Variants in GABRB2 observed in about 807,000 individuals in gnomAD.
The protein encoded by GABRB2 is gamma-aminobutyric acid type A receptor subunit beta2.
In GABRB2, 16 loss-of-function variants were observed where a neutral mutation model predicts 54.7. The ratio of observed to expected loss-of-function variants is 0.29; its 90% CI spans 0.20 to 0.44. GABRB2 has a LOEUF of 0.44. Among genes scored for constraint, GABRB2 ranks in the 20% least tolerant of loss-of-function variants. The pLI is 1.00. For synonymous variants in GABRB2, 244 were observed against 233.8 expected, an observed-to-expected ratio of 1.04 and a Z score of -0.40; for missense variants, 355 against 644.0, an observed-to-expected ratio of 0.55 and a Z score of 4.86.
chr5:161,371,884 G>C (rs531540838), intron 5 of GABRB2, among the ~76,000 whole-genome samples: 5 of 151,890 alleles, frequency 3.3e-5, no homozygotes, highest in African/African-American at 4.8e-5. Flanking sequence ...ACTATGCGTG[G>C]CTATTTTTAT....
At chr5:161,492,944 T>A (rs1759125686) in intron 3 of GABRB2, among the ~76,000 whole-genome samples, 1 of 151,802 alleles carries the variant, frequency 6.6e-6, no homozygotes, top group African/African-American at 2.4e-5. Flanking sequence ...GATTTTATGT[T>A]TTTTCAATCT....
chr5:161,431,663 GCA>G (rs1295523304), intron 4 of GABRB2, among the ~76,000 whole-genome samples: 2 of 152,148 alleles, frequency 1.3e-5, no homozygotes, highest in African/African-American at 4.8e-5. Context: ...CATTTCTCCT[GCA>G]CAGTCTTTAT....
chr5:161,341,950 T>TATATATAC (rs1754174879), intron 5 of GABRB2, among the ~76,000 whole-genome samples: 1 of 69,480 alleles, frequency 1.4e-5, no homozygotes, highest in Non-Finnish European at 3.7e-5. Context: ...TATATATATA[T>TATATATAC]ATATATATAT....
Position 161,290,370 on chromosome 5 carries a change from A to T in GABRB2, c.*3711T>A, listed in dbSNP as rs1023345974. The T allele has an allele frequency of 6.6e-6, 1 of 152,546 alleles. No homozygotes were observed. The highest frequency in any genetic ancestry group is 6.6e-5 in the Admixed American group (1 of 15,266). The allele number at this position is 152,546 out of a possible 1,614,324, so 9.4% of individuals were successfully genotyped here. A position where few individuals can be genotyped will look rare whatever the true frequency, so the allele number is the denominator to read the frequency against. ...TCCTTGAAAAAGAGAGCAATTAGAC[A>T]AGCAATGTGACAACTACTTAACTTC... On this transcript the variant is annotated 3_prime_UTR_variant, in exon 10 of 10. Coordinates refer to ENST00000393959, the MANE Select transcript of GABRB2 (RefSeq NM_001371727.1).
At chr5:161,535,274 CTG>C (rs1561685338) in intron 3 of GABRB2, among the ~76,000 whole-genome samples, 1 of 151,982 alleles carries the variant, frequency 6.6e-6, no homozygotes, top group East Asian at 1.9e-4. Context: ...ATTATTCACA[CTG>C]TGAATATTAT....
intron 4 of GABRB2, among the ~76,000 whole-genome samples, chr5:161,454,955 A>C (rs982325911): frequency 6.6e-6 from 1 of 152,240 alleles, no homozygotes; most frequent in Admixed American, 6.5e-5. Context: ...AACTAAGAGT[A>C]TGCTGCAATC....
intron 3 of GABRB2, among the ~76,000 whole-genome samples, chr5:161,527,678 C>A (rs1760325681): frequency 1.3e-5 from 2 of 151,328 alleles, no homozygotes; most frequent in South Asian, 2.1e-4. Flanking sequence ...CATAAAAAGG[C>A]AACTCAGGGA....
chr5:161,331,375 G>A (rs574653321), intron 7 of GABRB2, among the ~76,000 whole-genome samples: 1 of 152,192 alleles, frequency 6.6e-6, no homozygotes, highest in Non-Finnish European at 1.5e-5. Context: ...TATATCTAGT[G>A]CGGGGTTAAA....
intron 3 of GABRB2, among the ~76,000 whole-genome samples, chr5:161,519,374 G>A (rs1269283861): frequency 2.6e-5 from 4 of 152,134 alleles, no homozygotes; most frequent in African/African-American, 9.7e-5. Context: ...GTTTAAAGAA[G>A]AATATATTTC....
chr5:161,338,892 G>GC (rs1439635189), intron 5 of GABRB2, among the ~76,000 whole-genome samples: 1 of 152,068 alleles, frequency 6.6e-6, no homozygotes, highest in African/African-American at 2.4e-5. Context: ...TCAGAAAAGA[G>GC]CCCCTCGCTT....
At chr5:161,454,445 T>C (rs546089916) in intron 4 of GABRB2, among the ~76,000 whole-genome samples, 4 of 152,294 alleles carry the variant, frequency 2.6e-5, no homozygotes, top group Non-Finnish European at 5.9e-5. Context: ...GTTTTTCCCA[T>C]TCCTTTCAAT....
intron 5 of GABRB2, among the ~76,000 whole-genome samples, chr5:161,409,132 G>A (rs997222536): frequency 6.6e-6 from 1 of 152,018 alleles, no homozygotes; most frequent in African/African-American, 2.4e-5. Context: ...TAGAATAAGG[G>A]TCTGTTAATC....
intron 4 of GABRB2, among the ~76,000 whole-genome samples, chr5:161,428,265 A>G (rs765709137): frequency 2.7e-5 from 4 of 150,784 alleles, no homozygotes; most frequent in South Asian, 2.1e-4. Flanking sequence ...GCAAATTAAC[A>G]TATCTATCAT....
chr5:161,500,983 C>A (rs796663047), intron 3 of GABRB2, among the ~76,000 whole-genome samples: 11 of 152,158 alleles, frequency 7.2e-5, no homozygotes, highest in East Asian at 3.9e-4. Flanking sequence ...ATCCCTCCCC[C>A]CTCCTCCCAC....
intron 3 of GABRB2, among the ~76,000 whole-genome samples, chr5:161,539,148 C>T (rs13184432): frequency 0.016 from 2,409 of 152,292 alleles, 30 homozygotes; most frequent in Non-Finnish European, 0.024. Context: ...GAAGAATCTG[C>T]TTTAAATGAA....
chr5:161,402,922 G>A (rs1318702957), intron 5 of GABRB2, among the ~76,000 whole-genome samples: 1 of 152,120 alleles, frequency 6.6e-6, no homozygotes, highest in Non-Finnish European at 1.5e-5. Flanking sequence ...GCTAATTTAA[G>A]AGGCCTGTGG....
chr5:161,537,319 C>G (rs946688423), intron 3 of GABRB2, among the ~76,000 whole-genome samples: 4 of 152,154 alleles, frequency 2.6e-5, no homozygotes, highest in African/African-American at 9.7e-5. Context: ...CAGTTCGTCT[C>G]TCTATATAAC....
chr5:161,539,606 A>T (rs750950187), intron 3 of GABRB2, among the ~76,000 whole-genome samples: 1 of 152,174 alleles, frequency 6.6e-6, no homozygotes, highest in Non-Finnish European at 1.5e-5. Flanking sequence ...AGTAAATTAT[A>T]TTGCCAACCC....
chr5:161,468,510 G>C (rs1286778981), intron 3 of GABRB2, among the ~76,000 whole-genome samples: 1 of 152,018 alleles, frequency 6.6e-6, no homozygotes, highest in Non-Finnish European at 1.5e-5. Context: ...AAACCTCCTT[G>C]GTGGGGTTTT....
Sources: gnomAD v4.1 joint callset for allele counts (sites outside exome capture counted in the v4.1 genomes callset) on GRCh38, gnomAD v4.1.1 for gene constraint, MANE v1.5 for transcripts, NCBI Gene and HGNC (gene_info 2026-07-23, HGNC 2026-07-21) for gene names.